Variants in HTR1F observed in about 807,000 individuals in gnomAD.
HTR1F encodes the protein 5-hydroxytryptamine (serotonin) receptor 1F, G protein-coupled.
HTR1F carries 17 observed loss-of-function variants against 24.0 expected under a neutral mutation model. That is an observed-to-expected ratio of 0.71 (90% confidence interval 0.48 to 1.06). HTR1F has a LOEUF of 1.06. Among genes scored for constraint, HTR1F ranks in the 50% least tolerant of loss-of-function variants. HTR1F has a pLI of 0.00. For missense variants in HTR1F, 391 were observed against 427.8 expected, an observed-to-expected ratio of 0.91 and a Z score of 0.76; for synonymous variants, 186 against 156.8, an observed-to-expected ratio of 1.19 and a Z score of -1.39.
intron 2 of HTR1F, among the ~76,000 whole-genome samples, chr3:87,879,969 T>C (rs1705752908): frequency 6.6e-6 from 1 of 152,130 alleles, no homozygotes; most frequent in South Asian, 2.1e-4. Context: ...AAAAGAAATA[T>C]AAAATTTAAC....
At chr3:87,958,785 A>T (rs1705000031) in intron 2 of HTR1F, among the ~76,000 whole-genome samples, 1 of 151,430 alleles carries the variant, frequency 6.6e-6, no homozygotes, top group Non-Finnish European at 1.5e-5. Context: ...TGCCAATCTG[A>T]TTGTGCCTTA....
intron 2 of HTR1F, among the ~76,000 whole-genome samples, chr3:87,835,924 A>C (rs1301808627): frequency 6.6e-6 from 1 of 152,162 alleles, no homozygotes. Context: ...CCCTTGCATT[A>C]GCTGTAGTGT....
intron 1 of HTR1F, among the ~76,000 whole-genome samples, chr3:87,804,488 T>C (rs1704043728): frequency 6.6e-6 from 1 of 152,130 alleles, no homozygotes; most frequent in African/African-American, 2.4e-5. Flanking sequence ...TATCTTAGCT[T>C]TTTAAAAAGT....
chr3:87,849,330 C>A (rs1355776075), intron 2 of HTR1F, among the ~76,000 whole-genome samples: 1 of 151,474 alleles, frequency 6.6e-6, no homozygotes, highest in South Asian at 2.1e-4. Flanking sequence ...TGATCTTTGA[C>A]AAACCTGAGA....
intron 2 of HTR1F, among the ~76,000 whole-genome samples, chr3:87,892,892 G>A (rs1170666463): frequency 6.6e-6 from 1 of 151,972 alleles, no homozygotes; most frequent in Admixed American, 6.6e-5. Context: ...ACCATCATCT[G>A]TCAGGCCTAC....
intron 2 of HTR1F, among the ~76,000 whole-genome samples, chr3:87,845,706 C>T (rs1704925605): frequency 6.6e-6 from 1 of 151,864 alleles, no homozygotes; most frequent in Non-Finnish European, 1.5e-5. Context: ...CTACCAATGA[C>T]TTTCTTTTTC....
intron 2 of HTR1F, among the ~76,000 whole-genome samples, chr3:87,946,878 G>A (rs918937115): frequency 1.3e-5 from 2 of 152,066 alleles, no homozygotes; most frequent in African/African-American, 4.8e-5. Flanking sequence ...GCCCGCCTTA[G>A]CCTCCCAAAG....
intron 2 of HTR1F, among the ~76,000 whole-genome samples, chr3:87,827,668 G>A (rs1486720626): frequency 2.6e-5 from 4 of 152,144 alleles, no homozygotes; most frequent in Non-Finnish European, 5.9e-5. Flanking sequence ...GAATTGGAAA[G>A]CAATGAAGCA....
intron 2 of HTR1F, among the ~76,000 whole-genome samples, chr3:87,826,343 A>G (rs1704461362): frequency 6.6e-6 from 1 of 152,180 alleles, no homozygotes; most frequent in Non-Finnish European, 1.5e-5. Context: ...TACATCAATG[A>G]TTGATTTCCC....
At chr3:87,887,533 C>T (rs1255898265) in intron 2 of HTR1F, among the ~76,000 whole-genome samples, 3 of 152,128 alleles carry the variant, frequency 2.0e-5, no homozygotes, top group African/African-American at 7.2e-5. Flanking sequence ...TCAGAGTGAA[C>T]AGGCAACCTA....
At chr3:87,905,200 C>G (rs368132499) in intron 2 of HTR1F, among the ~76,000 whole-genome samples, 2 of 151,890 alleles carry the variant, frequency 1.3e-5, no homozygotes, top group South Asian at 4.2e-4. Context: ...GTCCCAGCTA[C>G]TCAGGAAGCT....
chr3:87,935,157 C>T (rs1296173548), intron 2 of HTR1F, among the ~76,000 whole-genome samples: 3 of 152,140 alleles, frequency 2.0e-5, no homozygotes, highest in African/African-American at 7.2e-5. Context: ...TGTGAACCAC[C>T]ATCTCTGGTT....
At chr3:87,879,537 C>T (rs541052733) in intron 2 of HTR1F, among the ~76,000 whole-genome samples, 5 of 152,202 alleles carry the variant, frequency 3.3e-5, no homozygotes, top group African/African-American at 1.2e-4. Flanking sequence ...CCCACACACA[C>T]CCTTGAATGA....
intron 1 of HTR1F, among the ~76,000 whole-genome samples, chr3:87,818,364 C>T (rs1011099635): frequency 5.3e-5 from 8 of 152,108 alleles, no homozygotes; most frequent in Admixed American, 1.3e-4. Flanking sequence ...AGCAGGGTTG[C>T]GTATTTCCTA....
At chr3:87,794,938 G>T (rs1232708743) in intron 1 of HTR1F, among the ~76,000 whole-genome samples, 2 of 145,512 alleles carry the variant, frequency 1.4e-5, no homozygotes, top group African/African-American at 5.1e-5. Flanking sequence ...TTTATTTAAA[G>T]TTGGGCGCAT....
At chr3:87,951,045 C>G (rs1452496454) in intron 2 of HTR1F, among the ~76,000 whole-genome samples, 1 of 152,046 alleles carries the variant, frequency 6.6e-6, no homozygotes, top group Non-Finnish European at 1.5e-5. Context: ...CACATTAGTT[C>G]TGCTTTCAGA....
chr3:87,870,980 C>A (rs1371583884), intron 2 of HTR1F, among the ~76,000 whole-genome samples: 7 of 127,620 alleles, frequency 5.5e-5, no homozygotes, highest in African/African-American at 1.1e-4. Flanking sequence ...ATCAAATACC[C>A]AAATCTCAGA....
At chr3:87,832,174 G>A (rs1239145554) in intron 2 of HTR1F, among the ~76,000 whole-genome samples, 7 of 152,084 alleles carry the variant, frequency 4.6e-5, no homozygotes, top group Admixed American at 4.6e-4. Context: ...TATCTTCCAT[G>A]TGTCTTGAAA....
chr3:87,849,472 G>A lies in HTR1F; in HGVS notation c.-43+27348G>A, dbSNP rs529562682. On this transcript the variant is annotated intron_variant, in intron 2 of 2. Coordinates refer to ENST00000319595, the MANE Select transcript of HTR1F (RefSeq NM_001322209.2). ...AAAAATTAATTCAAGATGGATTAAA[G>A]ACTTACATGTTAGACCTAAAACCAT... Among the ~76,000 whole-genome samples, 70 of 151,988 alleles carry A rather than the reference G, an allele frequency of 4.6e-4. 1 individual carries two copies. The highest frequency in any genetic ancestry group is 1.6e-3 in the African/African-American group (68 of 41,272).
Sources: allele counts gnomAD v4.1 joint callset (sites outside exome capture counted in the v4.1 genomes callset), GRCh38; gene constraint gnomAD v4.1.1; transcripts MANE v1.5; gene names NCBI Gene and HGNC (gene_info 2026-07-23, HGNC 2026-07-21).